The following LPP variants were observed in gnomAD, a reference collection of about 807,000 sequenced individuals.
LPP encodes lipoma-preferred partner.
In LPP, 38 loss-of-function variants were observed where a neutral mutation model predicts 60.4. That is an observed-to-expected ratio of 0.63 (90% CI 0.49 to 0.83). LPP has a LOEUF of 0.83. LPP is among the 40% of genes least tolerant of loss of function. LPP has a pLI of 0.00. For synonymous variants in LPP, 328 were observed against 290.8 expected, an observed-to-expected ratio of 1.13 and a Z score of -1.30; for missense variants, 902 against 783.6, an observed-to-expected ratio of 1.15 and a Z score of -1.80.
intron 3 of LPP, among the ~76,000 whole-genome samples, chr3:188,365,967 CA>C (rs1230144442): frequency 6.6e-6 from 1 of 152,098 alleles, no homozygotes; most frequent in Admixed American, 6.5e-5. Context: ...TAACTACAGC[CA>C]CCGCACTGTG....
intron 1 of LPP, among the ~76,000 whole-genome samples, chr3:188,189,747 C>A (rs116576110): frequency 6.6e-6 from 1 of 152,092 alleles, no homozygotes. Flanking sequence ...TTGGCAGACA[C>A]GAGAATGTGG....
At chr3:188,539,653 G>A (rs928722988) in intron 6 of LPP, among the ~76,000 whole-genome samples, 1 of 152,140 alleles carries the variant, frequency 6.6e-6, no homozygotes, top group Non-Finnish European at 1.5e-5. Flanking sequence ...GTTCTGAGTT[G>A]ATAACACATT....
intron 3 of LPP, among the ~76,000 whole-genome samples, chr3:188,354,940 G>C (rs1002737614): frequency 6.6e-6 from 1 of 152,168 alleles, no homozygotes; most frequent in Non-Finnish European, 1.5e-5. Context: ...GTATGTGTCT[G>C]TTTCTTCCAG....
chr3:188,296,741 T>TGCACTCAATAACTCCC (rs1217763239), intron 2 of LPP, among the ~76,000 whole-genome samples: 3 of 152,192 alleles, frequency 2.0e-5, no homozygotes, highest in Admixed American at 2.0e-4. Context: ...AGATAGCTCC[T>TGCACTCAATAACTCCC]GCACTCAATA....
At chr3:188,349,487 G>A (rs1380752826) in intron 3 of LPP, among the ~76,000 whole-genome samples, 1 of 152,184 alleles carries the variant, frequency 6.6e-6, no homozygotes, top group Non-Finnish European at 1.5e-5. Context: ...TGTTTAAAGG[G>A]ATTTTTTAAA....
At chr3:188,564,095 A>T (rs941837718) in intron 6 of LPP, among the ~76,000 whole-genome samples, 1 of 152,056 alleles carries the variant, frequency 6.6e-6, no homozygotes, top group Non-Finnish European at 1.5e-5. Flanking sequence ...GCAATGCACT[A>T]AAAAATACCT....
intron 5 of LPP, 24 bp downstream of exon 5, chr3:188,484,728 G>A (rs770273818): frequency 1.3e-6 from 2 of 1,540,734 alleles, no homozygotes; most frequent in Non-Finnish European, 1.8e-6. Flanking sequence ...TTAAAGTCAT[G>A]TTAGGTAAGA....
intron 2 of LPP, among the ~76,000 whole-genome samples, chr3:188,336,390 C>T (rs1761638895): frequency 6.6e-6 from 1 of 152,278 alleles, no homozygotes; most frequent in South Asian, 2.1e-4. Flanking sequence ...TCAGTCCCAG[C>T]TGTGAGTGGC....
intron 3 of LPP, among the ~76,000 whole-genome samples, chr3:188,405,232 C>A (rs1034028893): frequency 3.3e-5 from 5 of 152,168 alleles, no homozygotes; most frequent in Admixed American, 2.6e-4. Flanking sequence ...TTTCCACATA[C>A]CCCTTGGTGG....
chr3:188,376,393 A>C (rs548079941), intron 3 of LPP, among the ~76,000 whole-genome samples: 112 of 152,218 alleles, frequency 7.4e-4, no homozygotes, highest in African/African-American at 2.6e-3. Flanking sequence ...GTGCTCCTAT[A>C]TTGGGTGCAT....
chr3:188,253,728 G>A (rs77351516), intron 2 of LPP, among the ~76,000 whole-genome samples: 4,240 of 152,228 alleles, frequency 0.028, 103 homozygotes, highest in African/African-American at 0.054. Context: ...AAAAATTAAC[G>A]TATTTAATAG....
intron 6 of LPP, among the ~76,000 whole-genome samples, chr3:188,544,885 A>C (rs1267753408): frequency 5.1e-5 from 1 of 19,494 alleles, no homozygotes; most frequent in Non-Finnish European, 9.7e-5. Flanking sequence ...CTGGATTAAG[A>C]AAATGTGGCA....
intron 7 of LPP, among the ~76,000 whole-genome samples, chr3:188,699,758 G>A (rs1282363904): frequency 6.6e-6 from 1 of 152,060 alleles, no homozygotes; most frequent in African/African-American, 2.4e-5. Context: ...TTCCTTCTCT[G>A]TGGCCATCGC....
At chr3:188,632,850 G>A (rs188483982) in intron 7 of LPP, among the ~76,000 whole-genome samples, 7 of 152,044 alleles carry the variant, frequency 4.6e-5, no homozygotes, top group African/African-American at 1.2e-4. Context: ...TCTACCCCAC[G>A]TTCGTTTTCA....
At chr3:188,334,619 C>T (rs555723315) in intron 2 of LPP, among the ~76,000 whole-genome samples, 91 of 152,034 alleles carry the variant, frequency 6.0e-4, no homozygotes, top group African/African-American at 2.0e-3. Context: ...TTAGTACAGA[C>T]GGGGTTTCAT....
chr3:188,429,141 C>T (rs1260963842), intron 4 of LPP, among the ~76,000 whole-genome samples: 6 of 151,986 alleles, frequency 3.9e-5, no homozygotes, highest in East Asian at 1.9e-4. Flanking sequence ...CAATGTGTAA[C>T]GTATGGTTAA....
intron 7 of LPP, among the ~76,000 whole-genome samples, chr3:188,641,766 G>T (rs1345998654): frequency 1.3e-5 from 2 of 152,134 alleles, no homozygotes; most frequent in African/African-American, 4.8e-5. Flanking sequence ...GCAAAGGAAG[G>T]TTTCGGATGG....
chr3:188,651,266 G>GAC (rs1184890418), intron 7 of LPP, among the ~76,000 whole-genome samples: 7 of 152,130 alleles, frequency 4.6e-5, no homozygotes, highest in Non-Finnish European at 8.8e-5. Flanking sequence ...AGTGGAGATG[G>GAC]ACATAGAAAG....
intron 6 of LPP, among the ~76,000 whole-genome samples, chr3:188,536,149 C>T (rs1424043450): frequency 6.6e-6 from 1 of 151,986 alleles, no homozygotes; most frequent in Non-Finnish European, 1.5e-5. Context: ...ACTGGGATTA[C>T]AGGGATGTGC....
Sources: allele counts gnomAD v4.1 joint callset (sites outside exome capture counted in the v4.1 genomes callset), GRCh38; gene constraint gnomAD v4.1.1; transcripts MANE v1.5; gene names NCBI Gene and HGNC (gene_info 2026-07-23, HGNC 2026-07-21).